STIMATE: variants seen among roughly 807,000 people sequenced by gnomAD.
STIMATE encodes the protein store-operated calcium entry regulator STIMATE.
Under a neutral mutation model 36.7 loss-of-function variants are expected in STIMATE, and 15 were observed. The observed-to-expected ratio is 0.41, with a 90% CI of 0.27 to 0.63. STIMATE has a LOEUF of 0.63. Ranked by LOEUF, STIMATE falls within the 20% of genes least tolerant of loss-of-function variation. The probability of loss-of-function intolerance (pLI) is 0.32; values close to 1 mark genes in which losing one functional copy is unlikely to be tolerated. For missense variants in STIMATE, 305 were observed against 397.3 expected (o/e 0.77, Z 1.98); for synonymous variants, 163 against 162.3 (o/e 1.00, Z -0.03).
intron 1 of STIMATE, among the ~76,000 whole-genome samples, chr3:52,882,982 T>C (rs1345838090): frequency 1.3e-5 from 2 of 152,208 alleles, no homozygotes; most frequent in Admixed American, 6.5e-5. Flanking sequence ...CGGTGGCAAG[T>C]AGTTTTTAAC....
chr3:52,888,342 T>G (rs560616671), intron 1 of STIMATE, among the ~76,000 whole-genome samples: 6 of 152,142 alleles, frequency 3.9e-5, no homozygotes, highest in Non-Finnish European at 8.8e-5. Context: ...CTCCCCGACA[T>G]AGTCCACTGC....
chr3:52,892,105 A>G (rs181104166), intron 1 of STIMATE, among the ~76,000 whole-genome samples: 4 of 152,334 alleles, frequency 2.6e-5, no homozygotes, highest in Admixed American at 2.6e-4. Flanking sequence ...CCCCTTCAAC[A>G]AATCTTCATG....
chr3:52,865,239 C>T (rs1392886995), intron 1 of STIMATE, among the ~76,000 whole-genome samples: 1 of 152,204 alleles, frequency 6.6e-6, no homozygotes, highest in African/African-American at 2.4e-5. Context: ...GCCACGGTGC[C>T]CGACTGCCAT....
chr3:52,878,610 GATGACAAAGACTTTTC>G (rs529660558), intron 1 of STIMATE, among the ~76,000 whole-genome samples: 181 of 152,294 alleles, frequency 1.2e-3, no homozygotes, highest in African/African-American at 4.2e-3. Flanking sequence ...GGTCCCTTTG[GATGACAAAGACTTTTC>G]TCCCTGATTG....
intron 1 of STIMATE, among the ~76,000 whole-genome samples, chr3:52,890,949 A>G (rs1372479973): frequency 1.3e-5 from 2 of 152,230 alleles, no homozygotes; most frequent in Non-Finnish European, 1.5e-5. Context: ...CTGCCCAGGC[A>G]AGGAAAATCT....
At chr3:52,869,014 T>C (rs531846708) in intron 1 of STIMATE, among the ~76,000 whole-genome samples, 57 of 152,256 alleles carry the variant, frequency 3.7e-4, no homozygotes, top group African/African-American at 1.0e-3. Context: ...GGGTTTGCCA[T>C]TGCCAAAATG....
chr3:52,882,973 G>A lies in STIMATE; in HGVS notation c.160+14318C>T, dbSNP rs1701633660. On this transcript the variant is annotated intron_variant, in intron 1 of 7. Transcript: ENST00000355083. ...TCCCTGCACTGCTTCTCACTGTAGC[G>A]GTGGCAAGTAGTTTTTAACTAAAGA... Among the ~76,000 whole-genome samples, 3 of 152,086 alleles carry A rather than the reference G, an allele frequency of 2.0e-5. No individual in the cohort carries two copies. The South Asian group carries it at 6.2e-4, about 32-fold the overall frequency.
intron 1 of STIMATE, among the ~76,000 whole-genome samples, chr3:52,874,922 C>T (rs1057173653): frequency 2.0e-5 from 3 of 152,146 alleles, no homozygotes; most frequent in African/African-American, 7.2e-5. Flanking sequence ...TACAATTTTG[C>T]ACATTAGATA....
intron 4 of STIMATE, among the ~76,000 whole-genome samples, chr3:52,847,882 T>C (rs1700934403): frequency 6.6e-6 from 1 of 152,186 alleles, no homozygotes; most frequent in Non-Finnish European, 1.5e-5. Flanking sequence ...GGCAACTCGA[T>C]GTGGGATAAA....
In STIMATE at chr3:52,838,070, C is replaced by T. The variant is rs1315403601; in HGVS notation, c.*2424G>A. On this transcript the variant is annotated 3_prime_UTR_variant, in exon 8 of 8. Coordinates refer to ENST00000355083, the MANE Select transcript of STIMATE (RefSeq NM_198563.5). ...ACGAGAGGTGTCCTATGGTCAGACACCCTATTAGACCCCCGTCCCCTGGTC... is the reference window on the plus strand; with the variant it reads ...ACGAGAGGTGTCCTATGGTCAGACATCCTATTAGACCCCCGTCCCCTGGTC... 6.6e-6 allele frequency: 1 copy of T among 152,260 alleles called. No homozygotes were observed. Among genetic ancestry groups the T allele is most frequent in the Non-Finnish European group, 1.5e-5 (1 of 68,114 alleles). The allele number at this position is 152,260 out of a possible 1,614,324, so 9.4% of individuals were successfully genotyped here.
chr3:52,849,689 C>CCCAG, intron 4 of STIMATE, 103 bp downstream of exon 4: 1 of 1,500,584 alleles, frequency 6.7e-7, no homozygotes, highest in Non-Finnish European at 8.9e-7. Flanking sequence ...ATGGCAGCTC[C>CCCAG]CCAGCCATTT....
chr3:52,838,732 A>C lies in STIMATE; in HGVS notation c.*1762T>G, dbSNP rs1473105777. On this transcript the variant is annotated 3_prime_UTR_variant, in exon 8 of 8. Coordinates refer to ENST00000355083, the MANE Select transcript of STIMATE (RefSeq NM_198563.5). Reference sequence around the variant, plus strand: ...AAGGCCTGCCTGATGCTCGCCTTCAAGTCCAGGACAGGTAGGGCTCTGAGA... The same window carrying C: ...AAGGCCTGCCTGATGCTCGCCTTCACGTCCAGGACAGGTAGGGCTCTGAGA... 4 of 152,270 alleles carry C rather than the reference A, an allele frequency of 2.6e-5. No homozygotes were observed. The highest frequency in any genetic ancestry group is 5.9e-5 in the Non-Finnish European group (4 of 68,054). The allele number at this position is 152,270 out of a possible 1,614,324, so 9.4% of individuals were successfully genotyped here. A position where few individuals can be genotyped will look rare whatever the true frequency, so the allele number is the denominator to read the frequency against.
intron 5 of STIMATE, among the ~76,000 whole-genome samples, chr3:52,844,022 G>A (rs1013191706): frequency 1.3e-5 from 2 of 152,232 alleles, no homozygotes; most frequent in Non-Finnish European, 2.9e-5. Context: ...TTTCCCCTCA[G>A]TGTGGACTTG....
At chr3:52,854,100 CT>C (rs35640835) in intron 2 of STIMATE, among the ~76,000 whole-genome samples, 78,755 of 152,036 alleles carry the variant, frequency 0.52, 21,624 homozygotes, top group East Asian at 0.61. Flanking sequence ...TATTTGGTCT[CT>C]GTCCTGGTTT....
intron 1 of STIMATE, among the ~76,000 whole-genome samples, chr3:52,862,706 G>C (rs1489378490): frequency 1.3e-5 from 2 of 152,136 alleles, no homozygotes; most frequent in African/African-American, 2.4e-5. Context: ...CTGAATGGTG[G>C]TGTCCTACGT....
In STIMATE at chr3:52,897,421, C is replaced by A; in HGVS notation, c.30G>T (p.Arg10=). 1 of 1,451,800 alleles carries A rather than the reference C, an allele frequency of 6.9e-7. No individual in the cohort carries two copies. The highest frequency in any genetic ancestry group is 1.4e-5 in the South Asian group (1 of 73,302). 89.9% of individuals were successfully genotyped at this position (1,451,800 alleles called of 1,614,324 possible). A position where few individuals can be genotyped will look rare whatever the true frequency, so the allele number is the denominator to read the frequency against. ...TGGAGGGCGGCCCGCCTGGCAGTCC[C>A]CGGCTCGCGTTCCCGGCGGGGCCCT... MQGPAGNAS[R]GLPGGPPSTV... is the part of the protein sequence containing the mutation. The change falls in exon 1 of 8, where the codon CGG becomes CGT. Residue 10 remains arginine (R), a synonymous_variant. Coordinates refer to ENST00000355083, the MANE Select transcript of STIMATE (RefSeq NM_198563.5).
At chr3:52,862,081 T>C (rs971712381) in intron 1 of STIMATE, among the ~76,000 whole-genome samples, 1 of 152,156 alleles carries the variant, frequency 6.6e-6, no homozygotes, top group African/African-American at 2.4e-5. Flanking sequence ...GGGTCCCTCA[T>C]AGCCAAGTTG....
intron 1 of STIMATE, among the ~76,000 whole-genome samples, chr3:52,862,331 C>T (rs1015680041): frequency 7.9e-5 from 12 of 152,224 alleles, no homozygotes; most frequent in African/African-American, 2.7e-4. Context: ...ACAGGCTTCC[C>T]TGCTCCGATC....
At chr3:52,847,206 C>G in intron 4 of STIMATE, 1 of 1,120,782 alleles carries the variant, frequency 8.9e-7, no homozygotes, top group South Asian at 2.1e-5. Flanking sequence ...GCCACTGCAC[C>G]TGGACCTTGT....
Sources: gnomAD v4.1 joint callset for allele counts (sites outside exome capture counted in the v4.1 genomes callset) on GRCh38, gnomAD v4.1.1 for gene constraint, MANE v1.5 for transcripts, NCBI Gene and HGNC (gene_info 2026-07-23, HGNC 2026-07-21) for gene names.